The following ROBO1 variants were observed in gnomAD, a reference collection of about 807,000 sequenced individuals.
ROBO1 encodes roundabout guidance receptor 1, also known as roundabout homolog 1.
Under a neutral mutation model 195.9 loss-of-function variants are expected in ROBO1, and 149 were observed. The observed-to-expected ratio is 0.76, with a 90% CI of 0.67 to 0.87. ROBO1 has a LOEUF of 0.87. ROBO1 is among the 40% of genes least tolerant of loss of function. ROBO1 has a pLI of 0.00. For missense variants in ROBO1, 1,933 were observed against 2,068.3 expected, an observed-to-expected ratio of 0.93 and a Z score of 1.27; for synonymous variants, 816 against 733.2, an observed-to-expected ratio of 1.11 and a Z score of -1.82.
chr3:79,480,491 GGGCTA>G (rs1335934872), intron 2 of ROBO1, among the ~76,000 whole-genome samples: 4 of 152,058 alleles, frequency 2.6e-5, no homozygotes, highest in African/African-American at 7.2e-5. Context: ...TCTGCTAGAT[GGGCTA>G]GGTAAATTTT....
intron 4 of ROBO1, among the ~76,000 whole-genome samples, chr3:78,812,432 C>T (rs1296981940): frequency 6.6e-6 from 1 of 152,076 alleles, no homozygotes; most frequent in Non-Finnish European, 1.5e-5. Context: ...ACAATTCTTT[C>T]TTTTTGGATA....
intron 4 of ROBO1, among the ~76,000 whole-genome samples, chr3:78,792,459 A>G (rs2084049696): frequency 1.3e-5 from 2 of 152,198 alleles, no homozygotes; most frequent in Admixed American, 6.5e-5. Context: ...CAATTTCACA[A>G]GTAATTATGC....
intron 2 of ROBO1, among the ~76,000 whole-genome samples, chr3:79,511,085 G>A (rs929855754): frequency 6.6e-5 from 10 of 152,088 alleles, no homozygotes; most frequent in African/African-American, 2.4e-4. Context: ...ATGACCATCA[G>A]CACAACACAC....
chr3:78,981,126 G>T (rs895143351), intron 3 of ROBO1, among the ~76,000 whole-genome samples: 8 of 152,104 alleles, frequency 5.3e-5, no homozygotes, highest in Non-Finnish European at 1.2e-4. Flanking sequence ...ACTTTCCCAA[G>T]CTCACATGGC....
intron 3 of ROBO1, among the ~76,000 whole-genome samples, chr3:79,014,565 C>T (rs1001438927): frequency 3.3e-5 from 5 of 152,154 alleles, no homozygotes; most frequent in Non-Finnish European, 5.9e-5. Context: ...TGTCTACTTC[C>T]ACTGTATCCC....
intron 3 of ROBO1, among the ~76,000 whole-genome samples, chr3:79,011,123 C>G (rs990237832): frequency 6.6e-6 from 1 of 152,122 alleles, no homozygotes; most frequent in Non-Finnish European, 1.5e-5. Flanking sequence ...AAGTTGAAAG[C>G]TACCCAGAGG....
intron 1 of ROBO1, among the ~76,000 whole-genome samples, chr3:79,763,281 T>C (rs1323735733): frequency 1.3e-5 from 2 of 152,086 alleles, no homozygotes; most frequent in Admixed American, 6.5e-5. Context: ...AGAAATATAA[T>C]GAAGAAATAG....
At chr3:79,518,815 G>T (rs1179562696) in intron 2 of ROBO1, among the ~76,000 whole-genome samples, 2 of 151,216 alleles carry the variant, frequency 1.3e-5, no homozygotes, top group African/African-American at 2.4e-5. Context: ...GGGATTACAG[G>T]TGTATGTCAC....
intron 2 of ROBO1, among the ~76,000 whole-genome samples, chr3:79,162,770 T>C (rs936415773): frequency 1.3e-5 from 2 of 152,090 alleles, no homozygotes; most frequent in Non-Finnish European, 2.9e-5. Flanking sequence ...TATTTCCATG[T>C]TATCAGGTGT....
At chr3:78,809,314 G>A (rs889982509) in intron 4 of ROBO1, among the ~76,000 whole-genome samples, 2 of 152,142 alleles carry the variant, frequency 1.3e-5, no homozygotes, top group South Asian at 2.1e-4. Context: ...CAGTTAGAAT[G>A]ATGATCATTA....
At chr3:78,671,812 T>C (rs532256009) in intron 10 of ROBO1, among the ~76,000 whole-genome samples, 4 of 152,136 alleles carry the variant, frequency 2.6e-5, no homozygotes, top group Non-Finnish European at 5.9e-5. Flanking sequence ...ATGGTTTAAA[T>C]TTGGTAGTCT....
chr3:78,861,689 A>G (rs2034851131), intron 4 of ROBO1, among the ~76,000 whole-genome samples: 1 of 152,184 alleles, frequency 6.6e-6, no homozygotes, highest in South Asian at 2.1e-4. Flanking sequence ...TACCTATTCA[A>G]GAGAGATTTC....
At chr3:79,436,479 T>C (rs1302243894) in intron 2 of ROBO1, among the ~76,000 whole-genome samples, 1 of 152,078 alleles carries the variant, frequency 6.6e-6, no homozygotes, top group Non-Finnish European at 1.5e-5. Flanking sequence ...CATTTCAAAG[T>C]GCTTATATTT....
chr3:78,930,132 A>G (rs556325391), intron 4 of ROBO1, among the ~76,000 whole-genome samples: 1 of 152,322 alleles, frequency 6.6e-6, no homozygotes, highest in South Asian at 2.1e-4. Flanking sequence ...GTTTGAGAGC[A>G]GGCAAACTCC....
chr3:79,450,027 T>A (rs1049056890), intron 2 of ROBO1, among the ~76,000 whole-genome samples: 5 of 152,036 alleles, frequency 3.3e-5, no homozygotes, highest in Admixed American at 2.6e-4. Flanking sequence ...TCCCCTTAAA[T>A]TTCTTTGCAG....
At chr3:78,687,494 C>T (rs536713316) in intron 9 of ROBO1, among the ~76,000 whole-genome samples, 5 of 152,080 alleles carry the variant, frequency 3.3e-5, no homozygotes, top group Non-Finnish European at 5.9e-5. Context: ...TTTATAAGAG[C>T]ACATTAGAAG....
intron 4 of ROBO1, among the ~76,000 whole-genome samples, chr3:78,829,997 A>T (rs1343567957): frequency 6.6e-6 from 1 of 152,222 alleles, no homozygotes; most frequent in East Asian, 1.9e-4. Flanking sequence ...TACCCAATTT[A>T]TATAGCCGTA....
intron 4 of ROBO1, among the ~76,000 whole-genome samples, chr3:78,908,749 T>TGA (rs1333400811): frequency 2.0e-5 from 3 of 151,858 alleles, no homozygotes; most frequent in African/African-American, 7.2e-5. Context: ...ACTCCACAGA[T>TGA]GAAAAGCACA....
chr3:79,575,688 G>T, intron 2 of ROBO1, among the ~76,000 whole-genome samples: 1 of 150,612 alleles, frequency 6.6e-6, no homozygotes, highest in East Asian at 1.9e-4. Context: ...AAATGTTAGT[G>T]AATAGGCATT....
Sources: allele counts gnomAD v4.1 joint callset (sites outside exome capture counted in the v4.1 genomes callset), GRCh38; gene constraint gnomAD v4.1.1; transcripts MANE v1.5; gene names NCBI Gene and HGNC (gene_info 2026-07-23, HGNC 2026-07-21).